The following LAMC3 variants were observed in gnomAD, a reference collection of about 807,000 sequenced individuals.
The protein encoded by LAMC3 is laminin subunit gamma-3.
A neutral mutation model predicts 173.8 loss-of-function variants in LAMC3; 128 were observed. The ratio of observed to expected loss-of-function variants is 0.74; its 90% CI spans 0.64 to 0.85. The LOEUF is 0.85. Among genes scored for constraint, LAMC3 ranks in the 40% least tolerant of loss-of-function variants. LAMC3 has a pLI of 0.00. For missense variants in LAMC3, 2,022 were observed against 2,156.0 expected (o/e 0.94, Z 1.23); for synonymous variants, 897 against 909.1 (o/e 0.99, Z 0.24).
At chr9:131,076,272 G>A (rs1276869974) in intron 21 of LAMC3, among the ~76,000 whole-genome samples, 1 of 152,098 alleles carries the variant, frequency 6.6e-6, no homozygotes, top group Admixed American at 6.6e-5. Context: ...TGACCCCCCT[G>A]GCCCCGGCGC....
chr9:131,079,030 T>C, intron 22 of LAMC3, 119 bp from the exon 23 acceptor site: 1 of 1,311,306 alleles, frequency 7.6e-7, no homozygotes, highest in Non-Finnish European at 1.1e-6. Context: ...CTTGGGTTCT[T>C]GGCTGGCAGC....
intron 1 of LAMC3, among the ~76,000 whole-genome samples, chr9:131,013,373 C>T (rs1833458853): frequency 6.6e-6 from 1 of 152,166 alleles, no homozygotes; most frequent in Non-Finnish European, 1.5e-5. Flanking sequence ...TGAGAATCTC[C>T]TGGAACCACA....
chr9:131,044,179 G>A (rs1338955565), intron 7 of LAMC3, among the ~76,000 whole-genome samples: 1 of 151,490 alleles, frequency 6.6e-6, no homozygotes, highest in African/African-American at 2.4e-5. Flanking sequence ...GGCTGATCTC[G>A]AACTGACCTC....
Position 131,026,469 on chromosome 9 carries a change from C to T in LAMC3, c.558C>T (p.Arg186=), listed in dbSNP as rs2275135. Residue 186 remains arginine (R), a synonymous_variant, in exon 2 of 28, where the codon CGC becomes CGT. Transcript: ENST00000361069. This position sits in a 1 kb window ranked among gnomAD's most constrained non-coding sequence, Gnocchi z 4.8. ...ACCTGCGCCCCGGCGAGGACGAGCG[C>T]GTGGCCTTCTGCACCTCTGAGTTCA... ...GQYLRPGEDE[R]VAFCTSEFSD... is the part of the protein sequence containing the mutation. 3,355 of 1,613,358 alleles carry T rather than the reference C, an allele frequency of 2.1e-3. 18 individuals are homozygous for T. The highest frequency in any genetic ancestry group is 0.013 in the East Asian group (594 of 44,880).
In LAMC3 at chr9:131,072,745, G is replaced by A; in HGVS notation, c.3327G>A (p.Gln1109=). ...KGARCAQAGS[Q]KTCTQLADLE... ...CCCGCTGTGCCCAGGCCGGATCCCAGAAGACCTGCACCCAGCTGGCAGACC... is the reference window on the plus strand; with the variant it reads ...CCCGCTGTGCCCAGGCCGGATCCCAAAAGACCTGCACCCAGCTGGCAGACC... The change falls in exon 19 of 28, where the codon CAG becomes CAA. Residue 1109 remains glutamine (Q), a synonymous_variant. Coordinates refer to ENST00000361069, the MANE Select transcript of LAMC3 (RefSeq NM_006059.4). 6.2e-7 allele frequency: 1 copy of A among 1,613,210 alleles called. No homozygotes were observed. Among genetic ancestry groups the A allele is most frequent in the Non-Finnish European group, 8.5e-7 (1 of 1,179,786 alleles).
intron 20 of LAMC3, among the ~76,000 whole-genome samples, chr9:131,075,454 C>T (rs1182681759): frequency 6.6e-6 from 1 of 151,126 alleles, no homozygotes; most frequent in Non-Finnish European, 1.5e-5. Context: ...ATCCCAGCTA[C>T]TCGGGAGGCT....
At chr9:131,035,322 T>C (rs1833921817) in intron 3 of LAMC3, among the ~76,000 whole-genome samples, 1 of 152,068 alleles carries the variant, frequency 6.6e-6, no homozygotes, top group Non-Finnish European at 1.5e-5. Context: ...GGTGCTGGCA[T>C]CTGCTTGGCT....
rs1487863720 is a variant in LAMC3, at chr9:131,069,833, G to A, written c.3052G>A (p.Ala1018Thr). 3 of 1,591,052 alleles carry A rather than the reference G, an allele frequency of 1.9e-6. No individual in the cohort carries two copies. Among genetic ancestry groups the A allele is most frequent in the Admixed American group, 3.5e-5 (2 of 56,838 alleles). ...THCQQCPSCYALVKEEAAKLK... is the reference protein window; with the variant it reads ...THCQQCPSCYTLVKEEAAKLK... ...CTGCCAGCAATGTCCGTCCTGCTAC[G>A]CCCTGGTGAAGGAGGAGGTGAGTCG... Residue 1018 changes from alanine to threonine, a missense_variant, in exon 17 of 28, where the codon GCC (alanine) becomes ACC (threonine). Transcript: ENST00000361069.
intron 24 of LAMC3, 40 bp from the exon 25 acceptor site, chr9:131,085,484 G>A (rs769612672): frequency 1.9e-6 from 3 of 1,610,734 alleles, no homozygotes; most frequent in Non-Finnish European, 2.5e-6. Flanking sequence ...CCGGAGGTGT[G>A]AGCCCAGTTC....
At chr9:131,089,229 A>C (rs998945585) in intron 27 of LAMC3, among the ~76,000 whole-genome samples, 5 of 151,136 alleles carry the variant, frequency 3.3e-5, no homozygotes, top group Non-Finnish European at 7.4e-5. Context: ...AATGTAAATG[A>C]CCAGTTAATG....
At chr9:131,071,278 G>A (rs779018120) in intron 17 of LAMC3, among the ~76,000 whole-genome samples, 3 of 152,138 alleles carry the variant, frequency 2.0e-5, no homozygotes, top group Non-Finnish European at 4.4e-5. Flanking sequence ...GGCAGGTGCC[G>A]TGAGGATGGG....
rs1830438024 is a variant in LAMC3 at position 131,092,083 on chromosome 9, G to A, written c.*296G>A. 1.2e-5 allele frequency: 6 copies of A among 484,514 alleles called. No homozygotes were observed. The highest frequency in any genetic ancestry group is 1.0e-4 in the South Asian group (5 of 47,704). The allele number at this position is 484,514 out of a possible 1,614,324, so 30.0% of individuals were successfully genotyped here. A position where few individuals can be genotyped will look rare whatever the true frequency, so the allele number is the denominator to read the frequency against. ...TACACACGTGAGGGTGCATGTCTGT[G>A]TGTATGACCCACACGTGTTCAAGTC... On this transcript the variant is annotated 3_prime_UTR_variant, in exon 28 of 28. Coordinates refer to ENST00000361069, the MANE Select transcript of LAMC3 (RefSeq NM_006059.4).
intron 12 of LAMC3, among the ~76,000 whole-genome samples, chr9:131,058,445 G>T (rs909451329): frequency 6.6e-6 from 1 of 151,810 alleles, no homozygotes; most frequent in Non-Finnish European, 1.5e-5. Flanking sequence ...AGCAGACCTG[G>T]CCTTGCTCAA....
intron 25 of LAMC3, among the ~76,000 whole-genome samples, chr9:131,086,396 T>TTTGTTTTG (rs1491458680): frequency 6.3e-5 from 1 of 15,882 alleles, no homozygotes; most frequent in African/African-American, 2.7e-4. Flanking sequence ...TTTGGTTTTG[T>TTTGTTTTG]TTTTTTTTTT....
intron 20 of LAMC3, among the ~76,000 whole-genome samples, chr9:131,073,944 C>CTTTTTTTTTT (rs57877574): frequency 6.7e-4 from 61 of 90,794 alleles, no homozygotes; most frequent in Non-Finnish European, 9.8e-4. Context: ...CTTTTCTTTT[C>CTTTTTTTTTT]TTTTTTTTTT....
chr9:131,085,924 A>C (rs1214671859), intron 25 of LAMC3: 1 of 645,540 alleles, frequency 1.5e-6, no homozygotes, highest in East Asian at 2.8e-5. Context: ...CCCATTGTAC[A>C]GGTGAGAATG....
chr9:131,046,518 A>ATTTTTTTTTTTTTTTTTTTTTTTTTTTT lies in LAMC3; in HGVS notation c.1519+884_1519+885insTTTTTTTTTTTTTTTTTTTTTTTTTTTT, dbSNP rs71501242. On this transcript the variant is annotated intron_variant, in intron 8 of 27. Coordinates refer to ENST00000361069, the MANE Select transcript of LAMC3 (RefSeq NM_006059.4). ...ACCACCATGCCGAGCTAATTTTTGTATTTTTTTTTTTTTTTTTTTTTTTTT... is the reference window on the plus strand; with the variant it reads ...ACCACCATGCCGAGCTAATTTTTGTATTTTTTTTTTTTTTTTTTTTTTTTTTTTTTTTTTTTTTTTTTTTTTTTTTTTT... 3.7e-4 allele frequency among the ~76,000 whole-genome samples: 18 copies of ATTTTTTTTTTTTTTTTTTTTTTTTTTTT among 49,164 alleles called. 3 individuals are homozygous for ATTTTTTTTTTTTTTTTTTTTTTTTTTTT. The highest frequency in any genetic ancestry group is 7.2e-4 in the Admixed American group (2 of 2,768). The allele number at this position is 49,164 out of a possible 152,430, so 32.3% of individuals were successfully genotyped here.
intron 11 of LAMC3, 103 bp from the exon 12 acceptor site, chr9:131,056,826 A>T: frequency 1.2e-6 from 1 of 843,800 alleles, no homozygotes; most frequent in Non-Finnish European, 2.0e-6. Flanking sequence ...GTCTGCCTTT[A>T]TATACGTGGG....
chr9:131,083,219 G>T (rs531996539), intron 24 of LAMC3, among the ~76,000 whole-genome samples: 2 of 152,158 alleles, frequency 1.3e-5, no homozygotes, highest in African/African-American at 4.8e-5. Context: ...ACAATGGGGG[G>T]CTCACTACCT....
Sources: allele counts gnomAD v4.1 joint callset (sites outside exome capture counted in the v4.1 genomes callset), GRCh38; gene constraint gnomAD v4.1.1; non-coding constraint Gnocchi (gnomAD v3.1); transcripts MANE v1.5; gene names NCBI Gene and HGNC (gene_info 2026-07-23, HGNC 2026-07-21).